PRDX1: variants seen among roughly 807,000 people sequenced by gnomAD.
The protein encoded by PRDX1 is peroxiredoxin 1, also known as peroxiredoxin-1.
PRDX1 carries 19 observed loss-of-function variants against 20.7 expected under a neutral mutation model. The ratio of observed to expected loss-of-function variants is 0.92; its 90% CI spans 0.64 to 1.35. The LOEUF is 1.35. Among genes scored for constraint, PRDX1 ranks in the 40% most tolerant of loss-of-function variants. The probability of loss-of-function intolerance (pLI) is 0.00; values close to 1 mark genes in which losing one functional copy is unlikely to be tolerated. For missense variants in PRDX1, 226 were observed against 240.0 expected, an observed-to-expected ratio of 0.94 and a Z score of 0.38; for synonymous variants, 89 against 83.9, an observed-to-expected ratio of 1.06 and a Z score of -0.33.
Position 45,515,647 on chromosome 1 carries a change from G to GATTT in PRDX1, c.260+3_260+6dup. The GATTT allele has an allele frequency of 7.0e-7, 1 of 1,418,528 alleles. No homozygotes were observed. The highest frequency in any genetic ancestry group is 9.5e-7 in the Non-Finnish European group (1 of 1,048,564). 87.9% of individuals were successfully genotyped at this position (1,418,528 alleles called of 1,614,324 possible). On this transcript the variant is annotated splice_region_variant and intron_variant, in intron 3 of 5. Transcript: ENST00000319248. ...AGTTCACATGCCAAATAGACCAAGA[G>GATTT]ATTTACCATGCTAGATGACAGAAGT... is the stretch of plus-strand genomic sequence containing the variant.
Position 45,511,371 on chromosome 1 carries a change from A to G in PRDX1, c.558T>C (p.Pro186=), listed in dbSNP as rs2149325362. The change falls in exon 6 of 6, where the codon CCT becomes CCC. Residue 186 remains proline (P), a synonymous_variant. Transcript: ENST00000319248. ...AATATTCTTTGCTCTTTTGGACATC[A>G]GGCTTGATGGTATCACTGCCAGGTT... The part of the protein sequence containing the change: ...GWKPGSDTIK[P]DVQKSKEYFS... The G allele has an allele frequency of 5.0e-6, 8 of 1,613,104 alleles. No individual in the cohort carries two copies. The highest frequency in any genetic ancestry group is 6.8e-6 in the Non-Finnish European group (8 of 1,179,642).
Position 45,519,055 on chromosome 1 carries a change from C to T in PRDX1, c.-11-1G>A, listed in dbSNP as rs750668166. Reference sequence around the variant, plus strand: ...TTTCCTGAAGACATCTTCCTATCAGCTAGAAATAACAGAAATGAATTAGAA... The same window carrying T: ...TTTCCTGAAGACATCTTCCTATCAGTTAGAAATAACAGAAATGAATTAGAA... On this transcript the variant is annotated splice_acceptor_variant, in intron 1 of 5. Transcript: ENST00000319248. LOFTEE classifies it low-confidence loss of function (5UTR_SPLICE). 1.9e-6 allele frequency: 3 copies of T among 1,544,812 alleles called. No homozygotes were observed. The Admixed American group carries it at 6.0e-5, about 31-fold the overall frequency.
Position 45,514,580 on chromosome 1 carries a change from G to C in PRDX1, c.441C>G (p.Leu147=), listed in dbSNP as rs775946650. ...GILRQITVND[L]PVGRSVDETL... Reference sequence around the variant, plus strand: ...TCTCATCCACAGAGCGGCCAACAGGGAGGTCATTTACAGTGATCTGCCGAA... The same window carrying C: ...TCTCATCCACAGAGCGGCCAACAGGCAGGTCATTTACAGTGATCTGCCGAA... Residue 147 remains leucine (L), a synonymous_variant, in exon 5 of 6, where the codon CTC becomes CTG. Transcript: ENST00000319248. 3 of 1,613,550 alleles carry C rather than the reference G, an allele frequency of 1.9e-6. No individual in the cohort carries two copies. Among genetic ancestry groups the C allele is most frequent in the African/African-American group, 2.7e-5 (2 of 74,906 alleles).
chr1:45,512,284 C>G (rs1044237271), intron 5 of PRDX1: 4 of 151,250 alleles, frequency 2.6e-5, no homozygotes, highest in Admixed American at 6.6e-5. Context: ...GTCGCCCAGG[C>G]TGGAGTGCAG....
At chr1:45,513,080 A>C (rs1001918843) in intron 5 of PRDX1, 35 of 152,372 alleles carry the variant, frequency 2.3e-4, no homozygotes, top group African/African-American at 8.2e-4. Context: ...CGGAGGTTGC[A>C]GTGAGCCAAG....
rs1643832370 is a variant in PRDX1, at chr1:45,514,994, C to T, written c.262G>A (p.Val88Ile). ...CCTCCTTGTTTCTTAGGTGTATTGA[C>T]CCTATGGCAAAAGGCAAACATACAG... is the stretch of plus-strand genomic sequence containing the variant. ...VDSHFCHLAW[V>I]NTPKKQGGLG... The change falls in exon 4 of 6, where the codon GTC (valine) becomes ATC (isoleucine). Residue 88 changes from valine to isoleucine, a missense_variant and splice_region_variant. Physicochemically the swap from Val to Ile is conservative, Grantham distance 29 (BLOSUM62 3). Coordinates refer to ENST00000319248, the MANE Select transcript of PRDX1 (RefSeq NM_181697.3). The T allele has an allele frequency of 6.2e-7, 1 of 1,614,016 alleles. No homozygotes were observed. The highest frequency in any genetic ancestry group is 1.3e-5 in the African/African-American group (1 of 75,048).
chr1:45,519,323 C>A (rs1643888096), intron 1 of PRDX1, among the ~76,000 whole-genome samples: 1 of 152,206 alleles, frequency 6.6e-6, no homozygotes, highest in Non-Finnish European at 1.5e-5. Flanking sequence ...ACTGAGATAA[C>A]CTCTCATTCT....
chr1:45,514,708 A>G, intron 4 of PRDX1, 71 bp from the exon 5 acceptor site: 1 of 1,597,016 alleles, frequency 6.3e-7, no homozygotes, highest in Non-Finnish European at 8.6e-7. Flanking sequence ...AGAGGCTTGA[A>G]GCCTGAAGGA....
At chr1:45,517,487 CTA>C in intron 2 of PRDX1, among the ~76,000 whole-genome samples, 1 of 152,214 alleles carries the variant, frequency 6.6e-6, no homozygotes, top group East Asian at 1.9e-4. Flanking sequence ...CTGCATGAAA[CTA>C]TGACAACAGA....
In PRDX1 at chr1:45,520,205, C is replaced by CAAAAAAA. The variant is rs59260423; in HGVS notation, c.-11-1158_-11-1152dup. Reference sequence around the variant, plus strand: ...GGGCAACAGAGTGAGACTCTGTCTCCAAAAAAAAAAAAAAAAAAAAGAGGC... The same window carrying CAAAAAAA: ...GGGCAACAGAGTGAGACTCTGTCTCCAAAAAAAAAAAAAAAAAAAAAAAAAAAGAGGC... On this transcript the variant is annotated intron_variant, in intron 1 of 5. Transcript: ENST00000319248. Among the ~76,000 whole-genome samples the CAAAAAAA allele has an allele frequency of 3.5e-3, 317 of 91,006 alleles. 9 individuals are homozygous for CAAAAAAA. The highest frequency in any genetic ancestry group is 0.012 in the African/African-American group (270 of 21,924). 59.7% of individuals were successfully genotyped at this position (91,006 alleles called of 152,430 possible). A position where few individuals can be genotyped will look rare whatever the true frequency, so the allele number is the denominator to read the frequency against.
intron 1 of PRDX1, among the ~76,000 whole-genome samples, chr1:45,520,857 C>CCGCGCCACTGCA (rs1643905656): frequency 6.7e-6 from 1 of 148,480 alleles, no homozygotes; most frequent in Non-Finnish European, 1.5e-5. Flanking sequence ...TAAGCCGAGA[C>CCGCGCCACTGCA]CGCGCCACTG....
chr1:45,520,543 T>C (rs990906471), intron 1 of PRDX1, among the ~76,000 whole-genome samples: 4 of 151,644 alleles, frequency 2.6e-5, no homozygotes, highest in Non-Finnish European at 4.4e-5. Flanking sequence ...GCCATCATAG[T>C]GAAACCCCGT....
intron 3 of PRDX1, among the ~76,000 whole-genome samples, 195 bp from the exon 4 acceptor site, chr1:45,515,190 T>TG (rs1643836304): frequency 1.3e-5 from 2 of 151,924 alleles, no homozygotes; most frequent in South Asian, 4.1e-4. Flanking sequence ...TGAAGCTGCT[T>TG]CTTCTCTGCT....
At chr1:45,514,293 T>C (rs1051982274) in intron 5 of PRDX1, among the ~76,000 whole-genome samples, 7 of 152,082 alleles carry the variant, frequency 4.6e-5, no homozygotes, top group Middle Eastern at 3.2e-3. Context: ...CCAAGAATGA[T>C]CAATAAATAC....
At chr1:45,513,844 G>A (rs967475544) in intron 5 of PRDX1, among the ~76,000 whole-genome samples, 1 of 152,184 alleles carries the variant, frequency 6.6e-6, no homozygotes, top group Non-Finnish European at 1.5e-5. Context: ...CCCAGGTATT[G>A]TCCAAGGTTT....
At chr1:45,512,609 T>C (rs1327091670) in intron 5 of PRDX1, 1 of 151,848 alleles carries the variant, frequency 6.6e-6, no homozygotes, top group Non-Finnish European at 1.5e-5. Flanking sequence ...TCCAGTGGGA[T>C]GGGAAGCAGC....
In PRDX1 at chr1:45,511,108, TC is replaced by T. The variant is rs1163786989; in HGVS notation, c.*220del. 5.3e-5 allele frequency: 23 copies of T among 430,526 alleles called. No individual in the cohort carries two copies. Among genetic ancestry groups the T allele is most frequent in the Admixed American group, 1.2e-4 (3 of 24,014 alleles). 26.7% of individuals were successfully genotyped at this position (430,526 alleles called of 1,614,324 possible). A position where few individuals can be genotyped will look rare whatever the true frequency, so the allele number is the denominator to read the frequency against. On this transcript the variant is annotated 3_prime_UTR_variant, in exon 6 of 6. Transcript: ENST00000319248. ...ATTAATGGGTTGCTCTACTAATACA[TC>T]ATACAAACCAGTAGCCTGCCCACAA...
intron 4 of PRDX1, 67 bp from the exon 5 acceptor site, chr1:45,514,704 T>C: frequency 1.2e-6 from 2 of 1,600,326 alleles, no homozygotes; most frequent in Non-Finnish European, 1.7e-6. Flanking sequence ...ATACAGAGGC[T>C]TGAAGCCTGA....
Sources: allele counts gnomAD v4.1 joint callset (sites outside exome capture counted in the v4.1 genomes callset), GRCh38; gene constraint gnomAD v4.1.1; transcripts MANE v1.5; gene names NCBI Gene and HGNC (gene_info 2026-07-23, HGNC 2026-07-21).